The following SRSF11 variants were observed in gnomAD, a reference collection of about 807,000 sequenced individuals.
SRSF11 encodes serine/arginine-rich splicing factor 11.
Under a neutral mutation model 56.0 loss-of-function variants are expected in SRSF11, and 9 were observed. That is an observed-to-expected ratio of 0.16 (90% CI 0.10 to 0.28). The LOEUF (loss-of-function observed/expected upper bound fraction) is 0.28. SRSF11 is among the 10% of genes least tolerant of loss of function. SRSF11 has a pLI of 1.00. For synonymous variants in SRSF11, 222 were observed against 215.3 expected (o/e 1.03, Z -0.27); for missense variants, 421 against 600.7 (o/e 0.70, Z 3.13).
intron 2 of SRSF11, 117 bp downstream of exon 2, chr1:70,228,672 T>C (rs1000649795): frequency 2.1e-5 from 29 of 1,386,892 alleles, no homozygotes; most frequent in Non-Finnish European, 2.6e-5. Context: ...TTTAAACCCT[T>C]GTTATACTGC....
Position 70,251,848 on chromosome 1 carries a change from T to C in SRSF11, c.*1043T>C, listed in dbSNP as rs1460862659. ...TTATGCACACGGTGATTTCATGTTA[T>C]ATATGCAAAGTAGGCAACTGTTTTC... On this transcript the variant is annotated 3_prime_UTR_variant, in exon 12 of 12. Transcript: ENST00000370949. The C allele has an allele frequency of 6.6e-6, 1 of 152,606 alleles. No individual in the cohort carries two copies. Among genetic ancestry groups the C allele is most frequent in the Non-Finnish European group, 1.5e-5 (1 of 67,998 alleles). The allele number at this position is 152,606 out of a possible 1,614,324, so 9.5% of individuals were successfully genotyped here.
chr1:70,226,639 G>T (rs979045385), intron 1 of SRSF11, among the ~76,000 whole-genome samples: 2 of 152,250 alleles, frequency 1.3e-5, no homozygotes, highest in Admixed American at 1.3e-4. Flanking sequence ...CATTGTGTTG[G>T]GTGTTAATAA....
chr1:70,239,899 C>G (rs1482964727), intron 7 of SRSF11, among the ~76,000 whole-genome samples: 1 of 152,174 alleles, frequency 6.6e-6, no homozygotes, highest in African/African-American at 2.4e-5. Flanking sequence ...TACTAGGAAT[C>G]TGGCATGCTC....
At position 70,221,650 on chromosome 1, in the gene SRSF11, C is replaced by T. The variant is rs1558153803; in HGVS notation, c.14C>T (p.Thr5Ile). ...CCGAGCAGCGCCATGAGCAACACTA[C>T]CGTCGTCCCCAGCACTGCAGGTCCG... MSNTTVVPSTAGPGP... is the reference protein window; with the variant it reads MSNTIVVPSTAGPGP... The change falls in exon 1 of 12, where the codon ACC (threonine) becomes ATC (isoleucine). Residue 5 changes from threonine to isoleucine, a missense_variant. Thr to Ile is a moderately conservative substitution (Grantham distance 89). This residue lies in a region of SRSF11 where 168 missense variants were observed against 294.9 expected (regional missense o/e 0.57). Coordinates refer to ENST00000370949, the MANE Select transcript of SRSF11 (RefSeq NM_001350605.2). 4 of 1,611,478 alleles carry T rather than the reference C, an allele frequency of 2.5e-6. No homozygotes were observed. Among genetic ancestry groups the T allele is most frequent in the Non-Finnish European group, 2.5e-6 (3 of 1,178,620 alleles).
Position 70,215,788 on chromosome 1 carries a change from T to C in SRSF11, c.-25-5824T>C, listed in dbSNP as rs538215023. Among the ~76,000 whole-genome samples, 3 of 152,326 alleles carry C rather than the reference T, an allele frequency of 2.0e-5. No homozygotes were observed. In the South Asian group the frequency reaches 6.2e-4, roughly 32 times the overall value. Reference sequence around the variant, plus strand: ...TTATGCATACCTGTGTCTGCTCTTTTTTTTCCTTTTGAGATGGAATTTCGC... The same window carrying C: ...TTATGCATACCTGTGTCTGCTCTTTCTTTTCCTTTTGAGATGGAATTTCGC... On this transcript the variant is annotated intron_variant, in intron 1 of 12. Coordinates refer to the SRSF11 transcript ENST00000370950.
intron 1 of SRSF11, among the ~76,000 whole-genome samples, chr1:70,223,279 A>G (rs1671053031): frequency 6.6e-6 from 1 of 152,176 alleles, no homozygotes; most frequent in African/African-American, 2.4e-5. Flanking sequence ...CAAGTTAAAA[A>G]TTTTGTTATG....
At chr1:70,209,708 C>CAA (rs2100443043) in intron 1 of SRSF11, among the ~76,000 whole-genome samples, 1 of 142,458 alleles carries the variant, frequency 7.0e-6, no homozygotes, top group East Asian at 2.2e-4. Flanking sequence ...ATCTCAGCCT[C>CAA]ACAACTAGCT....
chr1:70,241,913 T>C (rs1421118124), intron 7 of SRSF11, among the ~76,000 whole-genome samples: 2 of 152,140 alleles, frequency 1.3e-5, no homozygotes, highest in Admixed American at 1.3e-4. Flanking sequence ...CTCACGCCTG[T>C]AGTCCCAGCA....
At chr1:70,229,029 A>T (rs1672394625) in intron 2 of SRSF11, 1 of 984,914 alleles carries the variant, frequency 1.0e-6, no homozygotes, top group Non-Finnish European at 1.2e-6. Flanking sequence ...ATTTCAGTAT[A>T]CCAAGGGTTG....
At position 70,228,678 on chromosome 1, in the gene SRSF11, A is replaced by G. The variant is rs540924594; in HGVS notation, c.337+123A>G. The G allele has an allele frequency of 1.9e-4, 267 of 1,369,494 alleles. 7 individuals are homozygous for G. In the Admixed American group the frequency reaches 7.4e-3, roughly 38 times the overall value. The allele number at this position is 1,369,494 out of a possible 1,614,324, so 84.8% of individuals were successfully genotyped here. ...ATTAACATTTTTAAACCCTTGTTAT[A>G]CTGCAGTCCGTAATTTTTGCTTGCA... On this transcript the variant is annotated intron_variant, in intron 2 of 11. Transcript: ENST00000370949.
intron 3 of SRSF11, 121 bp downstream of exon 3, chr1:70,232,498 CTA>C (rs1673028429): frequency 1.4e-6 from 1 of 699,904 alleles, no homozygotes; most frequent in Non-Finnish European, 2.4e-6. Flanking sequence ...TATCACATGT[CTA>C]TATCAAAATC....
chr1:70,219,548 C>A (rs1670322904), upstream of SRSF11, among the ~76,000 whole-genome samples: 1 of 152,146 alleles, frequency 6.6e-6, no homozygotes, highest in South Asian at 2.1e-4. Flanking sequence ...ATACATGGAA[C>A]CCATGGATAC....
At chr1:70,227,062 G>A (rs1558168711) in intron 1 of SRSF11, among the ~76,000 whole-genome samples, 1 of 152,154 alleles carries the variant, frequency 6.6e-6, no homozygotes, top group Non-Finnish European at 1.5e-5. Flanking sequence ...TTGTAGGGAA[G>A]CTTGTATCAG....
chr1:70,244,416 G>T (rs969328206), intron 7 of SRSF11, among the ~76,000 whole-genome samples: 2 of 152,102 alleles, frequency 1.3e-5, no homozygotes, highest in Admixed American at 1.3e-4. Flanking sequence ...TAACCTTGGA[G>T]TTGTAAGTAC....
chr1:70,230,698 A>G, intron 2 of SRSF11: 1 of 1,196,880 alleles, frequency 8.4e-7, no homozygotes, highest in South Asian at 1.5e-5. Flanking sequence ...CAGATGCATG[A>G]CTTTTTTTTT....
intron 2 of SRSF11, chr1:70,230,717 A>G (rs1672690329): frequency 3.3e-6 from 4 of 1,196,854 alleles, no homozygotes; most frequent in South Asian, 1.6e-5. Context: ...TTTTTAATGG[A>G]TGCAGATCTT....
At chr1:70,221,902 A>T (rs748327125) in intron 1 of SRSF11, 63 bp downstream of exon 1, 5 of 1,596,556 alleles carry the variant, frequency 3.1e-6, no homozygotes, top group Non-Finnish European at 4.3e-6. Context: ...TAACACACAC[A>T]ATTTCCTTAG....
intron 1 of SRSF11, among the ~76,000 whole-genome samples, chr1:70,206,064 C>G (rs1263150618): frequency 6.6e-6 from 1 of 152,202 alleles, no homozygotes; most frequent in African/African-American, 2.4e-5. Context: ...AAGGCTTGTA[C>G]TCTGACACCA....
In SRSF11 at chr1:70,224,569, A is replaced by G. The variant is rs1216567432; in HGVS notation, c.203+2730A>G. Among the ~76,000 whole-genome samples, 3 of 152,142 alleles carry G rather than the reference A, an allele frequency of 2.0e-5. No individual in the cohort carries two copies. In the East Asian group the frequency reaches 5.8e-4, roughly 29 times the overall value. ...ACTGAAGCTCTTCATTTCGGTTCTG[A>G]ATGCCTATTTTGGGGAAACATTTCT... On this transcript the variant is annotated intron_variant, in intron 1 of 11. Transcript: ENST00000370949.
Sources: gnomAD v4.1 joint callset for allele counts (sites outside exome capture counted in the v4.1 genomes callset) on GRCh38, gnomAD v4.1.1 for gene constraint, gnomAD v4.1.1 regional missense constraint, MANE v1.5 for transcripts, NCBI Gene and HGNC (gene_info 2026-07-23, HGNC 2026-07-21) for gene names.